Variants in RUNX1 observed in about 807,000 individuals in gnomAD.
RUNX1 encodes the protein runt-related transcription factor 1.
Under a neutral mutation model 42.8 loss-of-function variants are expected in RUNX1, and 19 were observed. The ratio of observed to expected loss-of-function variants is 0.44; its 90% confidence interval spans 0.31 to 0.65. The LOEUF (loss-of-function observed/expected upper bound fraction) is 0.65. Ranked by LOEUF, RUNX1 falls within the 30% of genes least tolerant of loss-of-function variation. The probability of loss-of-function intolerance (pLI) is 0.07; values close to 1 mark genes in which losing one functional copy is unlikely to be tolerated. For synonymous variants in RUNX1, 271 were observed against 289.4 expected, an observed-to-expected ratio of 0.94 and a Z score of 0.64; for missense variants, 528 against 672.0, an observed-to-expected ratio of 0.79 and a Z score of 2.37.
At chr21:34,804,486 T>C (rs924972918) in intron 7 of RUNX1, among the ~76,000 whole-genome samples, 2 of 152,108 alleles carry the variant, frequency 1.3e-5, no homozygotes, top group Non-Finnish European at 2.9e-5. Context: ...ATGAGAATAA[T>C]AACTCACGCT....
chr21:34,959,174 C>T (rs1015911838), intron 2 of RUNX1, among the ~76,000 whole-genome samples: 13 of 151,178 alleles, frequency 8.6e-5, no homozygotes, highest in Admixed American at 8.6e-4. Context: ...ACATTGTGCA[C>T]ATGTACCCTA....
chr21:34,815,697 G>A (rs941186685), intron 7 of RUNX1, among the ~76,000 whole-genome samples: 25 of 152,194 alleles, frequency 1.6e-4, no homozygotes, highest in African/African-American at 5.8e-4. Context: ...GCAGTGAGTA[G>A]GGGTTGGGAT....
chr21:35,019,503 G>C (rs965850838), intron 2 of RUNX1, among the ~76,000 whole-genome samples: 4 of 152,162 alleles, frequency 2.6e-5, no homozygotes, highest in Admixed American at 2.6e-4. Context: ...CACTGAGCAA[G>C]TTAGCAACAA....
chr21:34,929,099 T>C (rs998754378), intron 2 of RUNX1, among the ~76,000 whole-genome samples: 6 of 152,140 alleles, frequency 3.9e-5, no homozygotes, highest in African/African-American at 1.4e-4. Context: ...AAGCAACTTG[T>C]CACCAGAAAA....
At chr21:34,856,709 A>T (rs2057499663) in intron 6 of RUNX1, among the ~76,000 whole-genome samples, 1 of 152,174 alleles carries the variant, frequency 6.6e-6, no homozygotes. Context: ...CTTTGATTTT[A>T]TGAAACTAGA....
chr21:34,878,344 TA>T (rs58465528), intron 5 of RUNX1, among the ~76,000 whole-genome samples: 12,685 of 122,614 alleles, frequency 0.1, 1,061 homozygotes, highest in African/African-American at 0.25. Context: ...TAGCGCTGAC[TA>T]AAAAAAAAAA....
chr21:34,948,303 T>C (rs946802519), intron 2 of RUNX1, among the ~76,000 whole-genome samples: 3 of 152,270 alleles, frequency 2.0e-5, no homozygotes, highest in Non-Finnish European at 2.9e-5. Context: ...CACGGGGCCA[T>C]GCCGGGGGCC....
intron 3 of RUNX1, among the ~76,000 whole-genome samples, chr21:34,891,776 G>A (rs1291335698): frequency 6.6e-6 from 1 of 151,974 alleles, no homozygotes; most frequent in Non-Finnish European, 1.5e-5. Context: ...TCCAAATTTT[G>A]TTGCGGGGAG....
rs148211129 is a variant in RUNX1, at chr21:34,803,723, C to T, written c.806-4261G>A. 3.6e-3 allele frequency among the ~76,000 whole-genome samples: 541 copies of T among 152,240 alleles called. 2 individuals are homozygous for T. Among genetic ancestry groups the T allele is most frequent in the African/African-American group, 0.012 (514 of 41,544 alleles). ...ATCAATAATGGGTAAAACAGGCCTT[C>T]TACTCCTTGATCCCCATTCCCTTCC... On this transcript the variant is annotated intron_variant, in intron 7 of 8. Coordinates refer to ENST00000675419, the MANE Select transcript of RUNX1 (RefSeq NM_001754.5).
At chr21:34,888,900 G>A (rs2058038750) in intron 3 of RUNX1, among the ~76,000 whole-genome samples, 2 of 151,674 alleles carry the variant, frequency 1.3e-5, no homozygotes, top group Non-Finnish European at 2.9e-5. Flanking sequence ...CCCGGGCGGG[G>A]AGTCGGAGGC....
At chr21:35,031,412 C>G (rs960991386) in intron 2 of RUNX1, among the ~76,000 whole-genome samples, 1 of 152,030 alleles carries the variant, frequency 6.6e-6, no homozygotes, top group East Asian at 1.9e-4. Context: ...GGAGCTCTTG[C>G]ACACTCTTGG....
rs1491445551 is a variant in RUNX1 at position 34,849,411 on chromosome 21, A to ATT, written c.613+10062_613+10063insAA. 5.5e-4 allele frequency among the ~76,000 whole-genome samples: 32 copies of ATT among 58,146 alleles called. 2 individuals are homozygous for ATT. Among genetic ancestry groups the ATT allele is most frequent in the African/African-American group, 1.7e-3 (25 of 14,998 alleles). 38.1% of individuals were successfully genotyped at this position (58,146 alleles called of 152,430 possible). On this transcript the variant is annotated intron_variant, in intron 6 of 8. Coordinates refer to ENST00000675419, the MANE Select transcript of RUNX1 (RefSeq NM_001754.5). ...ATATATAATATATTATACTATATATAATATATTATATAGTATATATATTAT... is the reference window on the plus strand; with the variant it reads ...ATATATAATATATTATACTATATATATTATATATTATATAGTATATATATTAT...
intron 2 of RUNX1, among the ~76,000 whole-genome samples, chr21:34,906,918 C>G (rs2058224715): frequency 1.3e-5 from 2 of 152,176 alleles, no homozygotes; most frequent in Admixed American, 6.5e-5. Context: ...AGCCCATGGC[C>G]TTATGGTTTA....
At chr21:35,043,538 G>C (rs1217896428) in intron 2 of RUNX1, among the ~76,000 whole-genome samples, 1 of 152,198 alleles carries the variant, frequency 6.6e-6, no homozygotes, top group East Asian at 1.9e-4. Context: ...ATATTTTTAA[G>C]TGGCTTTGTG....
intron 2 of RUNX1, among the ~76,000 whole-genome samples, chr21:35,037,916 A>G (rs907948011): frequency 4.1e-5 from 4 of 97,232 alleles, no homozygotes; most frequent in Non-Finnish European, 7.9e-5. Context: ...TGAGAGAGGC[A>G]GACATTTCTT....
intron 2 of RUNX1, among the ~76,000 whole-genome samples, chr21:35,014,124 G>A (rs1231379155): frequency 1.3e-5 from 2 of 152,198 alleles, no homozygotes; most frequent in Admixed American, 6.5e-5. Context: ...TTGCTCCAAT[G>A]AACTTTTGAA....
intron 2 of RUNX1, among the ~76,000 whole-genome samples, chr21:34,959,765 C>T (rs2058670241): frequency 6.6e-6 from 1 of 152,150 alleles, no homozygotes; most frequent in African/African-American, 2.4e-5. Context: ...GTATCAAGAG[C>T]ACTGAGTGCC....
intron 2 of RUNX1, among the ~76,000 whole-genome samples, chr21:35,029,458 C>T (rs1472927302): frequency 6.6e-6 from 1 of 152,160 alleles, no homozygotes; most frequent in African/African-American, 2.4e-5. Context: ...ACAATGTTGG[C>T]TTCTAAGGCA....
intron 6 of RUNX1, among the ~76,000 whole-genome samples, chr21:34,846,867 G>A (rs918535971): frequency 2.0e-5 from 3 of 152,188 alleles, no homozygotes; most frequent in Non-Finnish European, 4.4e-5. Flanking sequence ...GTCAGCAAAT[G>A]AACAGGACAG....
Sources: allele counts gnomAD v4.1 joint callset (sites outside exome capture counted in the v4.1 genomes callset), GRCh38; gene constraint gnomAD v4.1.1; transcripts MANE v1.5; gene names NCBI Gene and HGNC (gene_info 2026-07-23, HGNC 2026-07-21).